CEP128: variants seen among roughly 807,000 people sequenced by gnomAD.
CEP128 encodes centrosomal protein 128.
In CEP128, 132 loss-of-function variants were observed where a neutral mutation model predicts 156.7. The observed-to-expected ratio is 0.84, with a 90% CI of 0.73 to 0.97. The LOEUF (loss-of-function observed/expected upper bound fraction) is 0.97. Ranked by LOEUF, CEP128 falls within the 50% of genes least tolerant of loss-of-function variation. The probability of loss-of-function intolerance (pLI) is 0.00; values close to 1 mark genes in which losing one functional copy is unlikely to be tolerated. For missense variants in CEP128, 1,252 were observed against 1,281.9 expected, an observed-to-expected ratio of 0.98 and a Z score of 0.36; for synonymous variants, 469 against 448.9, an observed-to-expected ratio of 1.04 and a Z score of -0.57.
chr14:80,550,272 A>G (rs1890158513), intron 21 of CEP128, among the ~76,000 whole-genome samples: 1 of 152,194 alleles, frequency 6.6e-6, no homozygotes, highest in African/African-American at 2.4e-5. Flanking sequence ...GACTAATTGC[A>G]ACTACTAATT....
At chr14:80,649,498 C>A (rs1894803930) in intron 19 of CEP128, among the ~76,000 whole-genome samples, 1 of 151,748 alleles carries the variant, frequency 6.6e-6, no homozygotes, top group Non-Finnish European at 1.5e-5. Context: ...AGCAGGAGTC[C>A]CTGGAACAGC....
At chr14:80,678,049 A>AATATATATATATATATATATATAT (rs1555390205) in intron 19 of CEP128, among the ~76,000 whole-genome samples, 6 of 98,502 alleles carry the variant, frequency 6.1e-5, no homozygotes, top group African/African-American at 1.9e-4. Flanking sequence ...ATAAAAAAAA[A>AATATATATATATATATATATATAT]ATATATATAT....
At position 80,793,015 on chromosome 14, in the gene CEP128, G is replaced by A. The variant is rs116058020; in HGVS notation, c.1305C>T (p.Ala435=). The A allele has an allele frequency of 1.4e-4, 232 of 1,614,148 alleles. No individual in the cohort carries two copies. In the East Asian group the frequency reaches 3.3e-3, roughly 23 times the overall value. The change falls in exon 14 of 25, where the codon GCC becomes GCT. Residue 435 remains alanine (A), a synonymous_variant. Coordinates refer to ENST00000555265, the MANE Select transcript of CEP128 (RefSeq NM_152446.5). ...TCTGAAGGTCAGCATGCTTACGCTCGGCCTCACATGTGTCAAAGTGATTCT... is the reference window on the plus strand; with the variant it reads ...TCTGAAGGTCAGCATGCTTACGCTCAGCCTCACATGTGTCAAAGTGATTCT... ...EIQNHFDTCE[A]ERKHADLQIS...
chr14:80,511,521 T>C (rs1888256438), intron 23 of CEP128, among the ~76,000 whole-genome samples: 1 of 152,000 alleles, frequency 6.6e-6, no homozygotes, highest in Non-Finnish European at 1.5e-5. Flanking sequence ...TAAAGGTTTG[T>C]CAATTTCATC....
At chr14:80,897,485 G>A (rs1224216254) in intron 7 of CEP128, among the ~76,000 whole-genome samples, 43 of 151,960 alleles carry the variant, frequency 2.8e-4, no homozygotes, top group Admixed American at 2.7e-3. Context: ...CCATTTGAAC[G>A]TCTCACAGGC....
At chr14:80,800,076 T>G (rs1171526397) in intron 13 of CEP128, among the ~76,000 whole-genome samples, 2 of 152,150 alleles carry the variant, frequency 1.3e-5, no homozygotes, top group Admixed American at 1.3e-4. Context: ...TTTGAAACCC[T>G]TAATAAAAAA....
At position 80,777,998 on chromosome 14, in the gene CEP128, G is replaced by C; in HGVS notation, c.2260C>G (p.Leu754Val). The change falls in exon 16 of 25, where the codon CTG becomes GTG. Residue 754 changes from leucine to valine, a missense_variant. Physicochemically the swap from Leu to Val is conservative, Grantham distance 32. Coordinates refer to ENST00000555265, the MANE Select transcript of CEP128 (RefSeq NM_152446.5). ...KNMAKIHRGQ[L>V]EKLKSQCDRL... Reference sequence around the variant, plus strand: ...TCACACTGTGATTTCAACTTCTCCAGCTGACCACGATGAATTTTAGCCATA... The same window carrying C: ...TCACACTGTGATTTCAACTTCTCCACCTGACCACGATGAATTTTAGCCATA... 6.2e-7 allele frequency: 1 copy of C among 1,613,394 alleles called. No individual in the cohort carries two copies.
At chr14:80,882,708 T>C (rs1018560664) in intron 8 of CEP128, among the ~76,000 whole-genome samples, 2 of 152,208 alleles carry the variant, frequency 1.3e-5, no homozygotes, top group Non-Finnish European at 2.9e-5. Flanking sequence ...AATGTACTTA[T>C]ACACAACGGA....
intron 9 of CEP128, among the ~76,000 whole-genome samples, chr14:80,856,681 G>T (rs73340185): frequency 0.021 from 3,018 of 144,714 alleles, 34 homozygotes; most frequent in Middle Eastern, 0.062. Flanking sequence ...GTGTGTGCGT[G>T]TGTGTGTGTG....
chr14:80,690,586 C>T (rs1012429576), intron 19 of CEP128, among the ~76,000 whole-genome samples: 10 of 152,060 alleles, frequency 6.6e-5, no homozygotes, highest in African/African-American at 2.4e-4. Context: ...CTACATCATG[C>T]CATACAGCTG....
chr14:80,572,055 T>C (rs1293811249), intron 20 of CEP128, among the ~76,000 whole-genome samples: 1 of 152,224 alleles, frequency 6.6e-6, no homozygotes, highest in African/African-American at 2.4e-5. Flanking sequence ...ATGTGTGACT[T>C]TTTCCCTCTC....
Position 80,914,311 on chromosome 14 carries a change from T to C in CEP128, c.234+11A>G, listed in dbSNP as rs370861560. ...GGGTAGGAGAAAATGCAAACAAATG[T>C]AGTTTCTCACATGTTCTATCGCACC... is the stretch of plus-strand genomic sequence containing the variant. On this transcript the variant is annotated intron_variant, in intron 4 of 24. Coordinates refer to ENST00000555265, the MANE Select transcript of CEP128 (RefSeq NM_152446.5). The C allele has an allele frequency of 1.9e-5, 31 of 1,599,734 alleles. No homozygotes were observed. The Middle Eastern group carries it at 5.0e-4, about 26-fold the overall frequency.
intron 2 of CEP128, among the ~76,000 whole-genome samples, chr14:80,936,949 C>A (rs961803664): frequency 2.6e-5 from 4 of 151,544 alleles, no homozygotes; most frequent in African/African-American, 7.3e-5. Context: ...TACTATGTAC[C>A]CACAAAAATT....
chr14:80,833,754 T>C (rs1196325160), intron 12 of CEP128, among the ~76,000 whole-genome samples: 1 of 152,170 alleles, frequency 6.6e-6, no homozygotes, highest in African/African-American at 2.4e-5. Flanking sequence ...GAGTACTACA[T>C]GTCCTATACT....
intron 16 of CEP128, among the ~76,000 whole-genome samples, chr14:80,774,589 A>G (rs1900687333): frequency 6.6e-6 from 1 of 151,566 alleles, no homozygotes; most frequent in African/African-American, 2.4e-5. Flanking sequence ...GTGTATCCAT[A>G]TTTCTTTACA....
intron 19 of CEP128, among the ~76,000 whole-genome samples, chr14:80,719,505 T>C (rs1457698520): frequency 2.0e-5 from 3 of 152,260 alleles, no homozygotes; most frequent in African/African-American, 7.2e-5. Context: ...TTATCTTTCC[T>C]ATTTTGAGTT....
At chr14:80,679,339 G>C (rs1214709835) in intron 19 of CEP128, among the ~76,000 whole-genome samples, 1 of 152,180 alleles carries the variant, frequency 6.6e-6, no homozygotes, top group African/African-American at 2.4e-5. Context: ...CATGCAAGTA[G>C]GGAAGATATC....
At chr14:80,835,295 G>T (rs1456447071) in intron 12 of CEP128, among the ~76,000 whole-genome samples, 3 of 152,120 alleles carry the variant, frequency 2.0e-5, no homozygotes, top group African/African-American at 4.8e-5. Flanking sequence ...CCAGCCTCAG[G>T]TATTCCTTTA....
chr14:80,701,920 T>A (rs1897089016), intron 19 of CEP128, among the ~76,000 whole-genome samples: 1 of 152,162 alleles, frequency 6.6e-6, no homozygotes, highest in Non-Finnish European at 1.5e-5. Context: ...GATGGGATGC[T>A]CTTCTCCAAG....
Sources: gnomAD v4.1 joint callset for allele counts (sites outside exome capture counted in the v4.1 genomes callset) on GRCh38, gnomAD v4.1.1 for gene constraint, MANE v1.5 for transcripts, NCBI Gene and HGNC (gene_info 2026-07-23, HGNC 2026-07-21) for gene names.